Variants in PTPRG observed in about 807,000 individuals in gnomAD.
PTPRG encodes the protein receptor-type tyrosine-protein phosphatase gamma.
PTPRG carries 102 observed loss-of-function variants against 165.3 expected under a neutral mutation model. That is an observed-to-expected ratio of 0.62 (90% CI 0.53 to 0.73). The LOEUF (loss-of-function observed/expected upper bound fraction) is 0.73, where lower values mean the gene tolerates loss of function less well. Among genes scored for constraint, PTPRG ranks in the 30% least tolerant of loss-of-function variants. PTPRG has a pLI of 0.00. For synonymous variants in PTPRG, 675 were observed against 669.5 expected, an observed-to-expected ratio of 1.01 and a Z score of -0.13; for missense variants, 1,866 against 1,861.4, an observed-to-expected ratio of 1.00 and a Z score of -0.05.
At chr3:61,747,882 T>A (rs1211376745) in intron 1 of PTPRG, among the ~76,000 whole-genome samples, 2 of 152,164 alleles carry the variant, frequency 1.3e-5, no homozygotes, top group African/African-American at 4.8e-5. Flanking sequence ...TTGCGTGTAA[T>A]TCCGTTTCAT....
chr3:62,129,729 T>C (rs1302737703), intron 5 of PTPRG, among the ~76,000 whole-genome samples: 1 of 152,214 alleles, frequency 6.6e-6, no homozygotes, highest in African/African-American at 2.4e-5. Context: ...ACGTGAAATG[T>C]TGGGGATACA....
chr3:61,923,899 G>GT lies in PTPRG; in HGVS notation c.191-65724dup, dbSNP rs1342450520. On this transcript the variant is annotated intron_variant, in intron 2 of 29. Coordinates refer to ENST00000474889, the MANE Select transcript of PTPRG (RefSeq NM_002841.4). ...ATATAGTAAAGGGGATGTATTAACT[G>GT]TTAATTTTATCAAGTAAACGATTCA... 2.1e-4 allele frequency among the ~76,000 whole-genome samples: 32 copies of GT among 151,980 alleles called. 1 individual carries two copies. The South Asian group carries it at 6.5e-3, about 31-fold the overall frequency.
chr3:61,940,093 C>T (rs1239350376), intron 2 of PTPRG, among the ~76,000 whole-genome samples: 1 of 151,686 alleles, frequency 6.6e-6, no homozygotes, highest in African/African-American at 2.4e-5. Flanking sequence ...ATTACAGGCA[C>T]CTACCACCAT....
chr3:62,033,620 C>T (rs1699846384), intron 4 of PTPRG, among the ~76,000 whole-genome samples: 1 of 150,992 alleles, frequency 6.6e-6, no homozygotes, highest in African/African-American at 2.4e-5. Context: ...CTGCCTTGGC[C>T]TCCCAAAATG....
At chr3:62,081,128 G>C (rs1701558398) in intron 5 of PTPRG, among the ~76,000 whole-genome samples, 1 of 151,604 alleles carries the variant, frequency 6.6e-6, no homozygotes, top group South Asian at 2.1e-4. Flanking sequence ...GTGGTGGCGG[G>C]CACCTGTAGT....
intron 7 of PTPRG, among the ~76,000 whole-genome samples, chr3:62,157,937 T>G (rs1175552817): frequency 6.6e-6 from 1 of 152,210 alleles, no homozygotes; most frequent in Non-Finnish European, 1.5e-5. Flanking sequence ...TAGAACATCA[T>G]GGCGTGGAGA....
rs147435586 is a variant in PTPRG, at chr3:62,252,153, A to T, written c.2468-2971A>T. On this transcript the variant is annotated intron_variant, in intron 15 of 29. Transcript: ENST00000474889. This position sits in a 1 kb window ranked among gnomAD's most constrained non-coding sequence, Gnocchi z 4.6. ...ATCAGTGACATTTACTCCCACTGTC[A>T]TCAAATCCATCCTTTTAATGGCACT... Among the ~76,000 whole-genome samples the T allele has an allele frequency of 6.6e-6, 1 of 152,188 alleles. No individual in the cohort carries two copies. The highest frequency in any genetic ancestry group is 2.4e-5 in the African/African-American group (1 of 41,510).
At chr3:61,862,541 C>A (rs1273750833) in intron 2 of PTPRG, among the ~76,000 whole-genome samples, 4 of 152,042 alleles carry the variant, frequency 2.6e-5, no homozygotes, top group African/African-American at 9.7e-5. Context: ...GCATGCACCA[C>A]CACGCCCAGC....
intron 1 of PTPRG, among the ~76,000 whole-genome samples, chr3:61,652,251 G>T (rs1000315113): frequency 3.9e-5 from 6 of 152,164 alleles, no homozygotes; most frequent in African/African-American, 1.2e-4. Flanking sequence ...AGGTTGCACC[G>T]AGCCCAGATC....
At chr3:62,172,046 C>T (rs1340596357) in intron 8 of PTPRG, among the ~76,000 whole-genome samples, 1 of 152,180 alleles carries the variant, frequency 6.6e-6, no homozygotes, top group Non-Finnish European at 1.5e-5. Flanking sequence ...TTTCAAAGTT[C>T]ATCTGTATTG....
At chr3:61,807,954 C>T (rs2035465543) in intron 2 of PTPRG, among the ~76,000 whole-genome samples, 1 of 152,190 alleles carries the variant, frequency 6.6e-6, no homozygotes, top group South Asian at 2.1e-4. Flanking sequence ...CAGACCGGGG[C>T]ATCCAGTACT....
intron 5 of PTPRG, among the ~76,000 whole-genome samples, chr3:62,120,352 G>A (rs529013987): frequency 3.0e-4 from 21 of 70,318 alleles, no homozygotes; most frequent in African/African-American, 5.7e-4. Flanking sequence ...AATTTTGGGC[G>A]TCAAGAAAGG....
chr3:61,585,546 A>T (rs1447112106), intron 1 of PTPRG, among the ~76,000 whole-genome samples: 1 of 151,750 alleles, frequency 6.6e-6, no homozygotes, highest in Non-Finnish European at 1.5e-5. Flanking sequence ...GGTGTTGGAC[A>T]CCAGCCTGGG....
chr3:62,273,386 A>G lies in PTPRG; in HGVS notation c.3318+305A>G, dbSNP rs1476285698. Among the ~76,000 whole-genome samples the G allele has an allele frequency of 6.6e-6, 1 of 152,172 alleles. No individual in the cohort carries two copies. The highest frequency in any genetic ancestry group is 1.5e-5 in the Non-Finnish European group (1 of 68,032). ...TTGTCTGGCCTGAGAAATACATAGG[A>G]GAGGATGGTTCTAAAACCCTTCATT... On this transcript the variant is annotated intron_variant, in intron 22 of 29. Transcript: ENST00000474889. This position sits in a 1 kb window ranked among gnomAD's most constrained non-coding sequence, Gnocchi z 4.1.
intron 2 of PTPRG, among the ~76,000 whole-genome samples, chr3:61,889,122 A>G (rs1045921699): frequency 7.2e-5 from 11 of 152,334 alleles, no homozygotes; most frequent in African/African-American, 2.4e-4. Flanking sequence ...CATATTTTTC[A>G]TCGAACCTTT....
At chr3:61,878,831 G>A (rs372598173) in intron 2 of PTPRG, among the ~76,000 whole-genome samples, 4 of 152,022 alleles carry the variant, frequency 2.6e-5, no homozygotes, top group Non-Finnish European at 4.4e-5. Context: ...CAATAGAACC[G>A]TCCTATATTT....
chr3:62,060,535 C>G (rs1031235021), intron 4 of PTPRG, among the ~76,000 whole-genome samples: 1 of 152,226 alleles, frequency 6.6e-6, no homozygotes, highest in African/African-American at 2.4e-5. Context: ...AGATCACTCA[C>G]AGTTGCACTT....
chr3:61,613,135 G>A (rs752901033), intron 1 of PTPRG, among the ~76,000 whole-genome samples: 2 of 152,150 alleles, frequency 1.3e-5, no homozygotes, highest in African/African-American at 2.4e-5. Flanking sequence ...ACACTCAAAA[G>A]CCTAGTAGAA....
intron 2 of PTPRG, among the ~76,000 whole-genome samples, chr3:61,944,578 G>C (rs1263540848): frequency 6.6e-6 from 1 of 152,170 alleles, no homozygotes; most frequent in African/African-American, 2.4e-5. Context: ...CACAGGGCCA[G>C]ACAGCCTCGC....
Sources: allele counts gnomAD v4.1 joint callset (sites outside exome capture counted in the v4.1 genomes callset), GRCh38; gene constraint gnomAD v4.1.1; non-coding constraint Gnocchi (gnomAD v3.1); transcripts MANE v1.5; gene names NCBI Gene and HGNC (gene_info 2026-07-23, HGNC 2026-07-21).